TSPAN13: variants seen among roughly 807,000 people sequenced by gnomAD.
The protein encoded by TSPAN13 is tetraspanin 13, also known as tetraspanin-13.
TSPAN13 carries 18 observed loss-of-function variants against 26.9 expected under a neutral mutation model. The observed-to-expected ratio is 0.67, with a 90% confidence interval of 0.46 to 0.99. TSPAN13 has a LOEUF of 0.99. Ranked by LOEUF, TSPAN13 falls within the 50% of genes least tolerant of loss-of-function variation. TSPAN13 has a pLI of 0.00. For synonymous variants in TSPAN13, 116 were observed against 98.4 expected (o/e 1.18, Z -1.06); for missense variants, 201 against 249.6 (o/e 0.81, Z 1.31).
At chr7:16,767,504 T>A (rs1469897571) in intron 1 of TSPAN13, among the ~76,000 whole-genome samples, 1 of 152,220 alleles carries the variant, frequency 6.6e-6, no homozygotes, top group Non-Finnish European at 1.5e-5. Context: ...ACAAACAAGG[T>A]TGTGGTAGAA....
rs761308329 is a variant in TSPAN13 at position 16,776,240 on chromosome 7, T to C, written c.93T>C (p.Ala31=). The change falls in exon 2 of 6, where the codon GCT becomes GCC. Residue 31 remains alanine (A), a synonymous_variant. Transcript: ENST00000262067. ...TTAGTCTGCTGCTAATTGGAATTGC[T>C]GCGTGGGGCATTGGCTTCGGGCTGA... ...TLVSLLLIGI[A]AWGIGFGLIS... 1.4e-5 allele frequency: 23 copies of C among 1,614,030 alleles called. No homozygotes were observed. In the East Asian group the frequency reaches 2.0e-4, roughly 14 times the overall value.
In TSPAN13 at chr7:16,783,693, C is replaced by G. The variant is rs183601665; in HGVS notation, c.*202C>G. The G allele has an allele frequency of 2.2e-5, 13 of 579,084 alleles. No homozygotes were observed. The highest frequency in any genetic ancestry group is 1.7e-4 in the East Asian group (6 of 34,978). 35.9% of individuals were successfully genotyped at this position (579,084 alleles called of 1,614,324 possible). Reference sequence around the variant, plus strand: ...CTGAAAAATATTTGAAACTTGTGGTCTCTGAAGCTCGGTGGCACCTGGAAT... The same window carrying G: ...CTGAAAAATATTTGAAACTTGTGGTGTCTGAAGCTCGGTGGCACCTGGAAT... On this transcript the variant is annotated 3_prime_UTR_variant, in exon 6 of 6. Transcript: ENST00000262067.
At chr7:16,762,209 C>T (rs1784549605) in intron 1 of TSPAN13, among the ~76,000 whole-genome samples, 2 of 152,176 alleles carry the variant, frequency 1.3e-5, no homozygotes, top group South Asian at 4.1e-4. Flanking sequence ...TGACTTTCTT[C>T]CCCTCCAAAT....
intron 1 of TSPAN13, among the ~76,000 whole-genome samples, chr7:16,772,971 G>A (rs759776900): frequency 2.6e-5 from 4 of 151,940 alleles, no homozygotes; most frequent in African/African-American, 9.7e-5. Flanking sequence ...ACTCCAGCCC[G>A]GGTGAGAGAG....
intron 1 of TSPAN13, among the ~76,000 whole-genome samples, chr7:16,762,515 C>T (rs1027623986): frequency 2.6e-5 from 4 of 152,056 alleles, no homozygotes; most frequent in South Asian, 2.1e-4. Flanking sequence ...GACTTTTTCT[C>T]GAGATCAGAA....
intron 5 of TSPAN13, among the ~76,000 whole-genome samples, chr7:16,783,012 T>C (rs1460724158): frequency 6.6e-6 from 1 of 152,182 alleles, no homozygotes; most frequent in Non-Finnish European, 1.5e-5. Context: ...TCACGGTGTC[T>C]TCTCTCCATG....
rs1784839007 is a variant in TSPAN13, at chr7:16,783,603, C to A, written c.*112C>A. 6.5e-6 allele frequency: 6 copies of A among 923,818 alleles called. No homozygotes were observed. In the East Asian group the frequency reaches 9.6e-5, roughly 15 times the overall value. 57.2% of individuals were successfully genotyped at this position (923,818 alleles called of 1,614,324 possible). A position where few individuals can be genotyped will look rare whatever the true frequency, so the allele number is the denominator to read the frequency against. Reference sequence around the variant, plus strand: ...AAGGAAACACTATCTGGAAAAGTACCTTATTGATAGTGGAATTATATATTT... The same window carrying A: ...AAGGAAACACTATCTGGAAAAGTACATTATTGATAGTGGAATTATATATTT... On this transcript the variant is annotated 3_prime_UTR_variant, in exon 6 of 6. Transcript: ENST00000262067.
At chr7:16,773,892 C>G (rs111649833) in intron 1 of TSPAN13, among the ~76,000 whole-genome samples, 1,604 of 152,244 alleles carry the variant, frequency 0.011, 13 homozygotes, top group Non-Finnish European at 0.014. Context: ...AGGATATATG[C>G]ATCACACCCA....
intron 5 of TSPAN13, among the ~76,000 whole-genome samples, chr7:16,779,490 A>G: frequency 6.6e-6 from 1 of 152,228 alleles, no homozygotes; most frequent in South Asian, 2.1e-4. Context: ...ACACAGACAT[A>G]CATATATAAA....
chr7:16,776,495 C>A (rs1193462847), intron 2 of TSPAN13, 117 bp downstream of exon 2: 1 of 939,966 alleles, frequency 1.1e-6, no homozygotes, highest in Admixed American at 2.7e-5. Context: ...AAGCCTTATG[C>A]ATATTTGTTC....
At chr7:16,763,569 T>C (rs1268650466) in intron 1 of TSPAN13, among the ~76,000 whole-genome samples, 2 of 152,218 alleles carry the variant, frequency 1.3e-5, no homozygotes, top group Non-Finnish European at 2.9e-5. Context: ...TGATGGCTAC[T>C]GGCAGAATCA....
intron 1 of TSPAN13, among the ~76,000 whole-genome samples, chr7:16,766,406 T>C (rs1784603321): frequency 6.6e-6 from 1 of 152,224 alleles, no homozygotes; most frequent in South Asian, 2.1e-4. Context: ...TATTTGCGTG[T>C]GCATGTGTGT....
intron 1 of TSPAN13, among the ~76,000 whole-genome samples, chr7:16,770,298 C>T (rs906285795): frequency 4.6e-5 from 7 of 151,960 alleles, no homozygotes; most frequent in East Asian, 1.9e-4. Context: ...CTCTGCCTCT[C>T]GGGTTCAAGT....
At chr7:16,775,489 T>C (rs143645663) in intron 1 of TSPAN13, among the ~76,000 whole-genome samples, 113 of 152,350 alleles carry the variant, frequency 7.4e-4, no homozygotes, top group African/African-American at 2.6e-3. Flanking sequence ...GATCTCTCTA[T>C]ATATGATTTT....
At chr7:16,765,660 G>T (rs1784596787) in intron 1 of TSPAN13, among the ~76,000 whole-genome samples, 1 of 152,136 alleles carries the variant, frequency 6.6e-6, no homozygotes, top group South Asian at 2.1e-4. Flanking sequence ...GTCTTAAGGA[G>T]AAAACAGGAA....
intron 1 of TSPAN13, among the ~76,000 whole-genome samples, chr7:16,758,454 A>G (rs1386960198): frequency 6.6e-6 from 1 of 152,182 alleles, no homozygotes; most frequent in Non-Finnish European, 1.5e-5. Context: ...AATGCTTTAG[A>G]TGTATAATAG....
intron 1 of TSPAN13, among the ~76,000 whole-genome samples, chr7:16,772,862 G>A (rs1312946192): frequency 6.6e-6 from 1 of 152,046 alleles, no homozygotes; most frequent in African/African-American, 2.4e-5. Flanking sequence ...TGGACGTGGT[G>A]GCATATGCCT....
rs1583783336 is a variant in TSPAN13 at position 16,753,916 on chromosome 7, C to T, written c.-52C>T. ...CAAGGACAAAGCAGCTGTCAGGGAA[C>T]CTCCGCCGGAGTCGAATTTACGTGC... is the stretch of plus-strand genomic sequence containing the variant. On this transcript the variant is annotated 5_prime_UTR_variant, in exon 1 of 6. Transcript: ENST00000262067. The T allele has an allele frequency of 6.3e-7, 1 of 1,577,492 alleles. No homozygotes were observed. Among genetic ancestry groups the T allele is most frequent in the Admixed American group, 1.8e-5 (1 of 57,124 alleles).
intron 4 of TSPAN13, 45 bp downstream of exon 4, chr7:16,777,956 T>A (rs1169100562): frequency 7.3e-7 from 1 of 1,369,298 alleles, no homozygotes; most frequent in East Asian, 2.3e-5. Context: ...GTATTACAGA[T>A]AAATAATGAT....
Sources: gnomAD v4.1 joint callset for allele counts (sites outside exome capture counted in the v4.1 genomes callset) on GRCh38, gnomAD v4.1.1 for gene constraint, MANE v1.5 for transcripts, NCBI Gene and HGNC (gene_info 2026-07-23, HGNC 2026-07-21) for gene names.